Variants in SHISAL2A observed in about 807,000 individuals in gnomAD.
The protein encoded by SHISAL2A is shisa like 2A.
SHISAL2A carries 18 observed loss-of-function variants against 11.5 expected under a neutral mutation model. The ratio of observed to expected loss-of-function variants is 1.57; its 90% CI spans 1.08 to 2.33. SHISAL2A has a LOEUF of 2.33. Among genes scored for constraint, SHISAL2A ranks in the 30% most tolerant of loss-of-function variants. The pLI is 0.00. For synonymous variants in SHISAL2A, 94 were observed against 99.6 expected (o/e 0.94, Z 0.34); for missense variants, 261 against 250.9 (o/e 1.04, Z -0.27).
At chr1:52,660,247 CA>C (rs1442572249), downstream of SHISAL2A, among the ~76,000 whole-genome samples, 1 of 152,168 alleles carries the variant, frequency 6.6e-6, no homozygotes, top group Non-Finnish European at 1.5e-5. Flanking sequence ...ATTTCCCCAA[CA>C]GTTGGAGAAA....
At chr1:52,632,843 GA>G (rs1691155022), upstream of SHISAL2A, among the ~76,000 whole-genome samples, 7 of 152,320 alleles carry the variant, frequency 4.6e-5, no homozygotes, top group South Asian at 1.5e-3. Context: ...GGAACTCCGG[GA>G]AATGGCTTCT....
intron 2 of SHISAL2A, among the ~76,000 whole-genome samples, chr1:52,650,338 A>G (rs1416825440): frequency 6.6e-6 from 1 of 152,168 alleles, no homozygotes; most frequent in Non-Finnish European, 1.5e-5. Context: ...TGGAGAAAGG[A>G]GGGAAGGCAC....
chr1:52,642,665 C>T (rs970834326), intron 1 of SHISAL2A, among the ~76,000 whole-genome samples, 198 bp from the exon 2 acceptor site: 5 of 152,186 alleles, frequency 3.3e-5, no homozygotes, highest in Non-Finnish European at 5.9e-5. Context: ...CCTAAGTGAT[C>T]TGCCCGCCTC....
downstream of SHISAL2A, among the ~76,000 whole-genome samples, chr1:52,659,841 T>C (rs944107695): frequency 2.6e-5 from 4 of 152,182 alleles, no homozygotes; most frequent in Admixed American, 2.6e-4. Context: ...CAAGGGAGAC[T>C]GGGAGGTTTC....
At chr1:52,635,197 A>T (rs1398823183) in intron 1 of SHISAL2A, among the ~76,000 whole-genome samples, 2 of 152,216 alleles carry the variant, frequency 1.3e-5, no homozygotes, top group Admixed American at 1.3e-4. Context: ...TTATTTAGAG[A>T]TACAATGGTA....
intron 2 of SHISAL2A, among the ~76,000 whole-genome samples, chr1:52,644,236 T>C (rs1691442355): frequency 6.7e-6 from 1 of 149,632 alleles, no homozygotes; most frequent in Non-Finnish European, 1.5e-5. Context: ...GATACTTGAG[T>C]TAGTGTTGAG....
At chr1:52,654,669 AC>A (rs1184036278) in intron 2 of SHISAL2A, among the ~76,000 whole-genome samples, 8 of 152,218 alleles carry the variant, frequency 5.3e-5, no homozygotes, top group Non-Finnish European at 1.2e-4. Flanking sequence ...CTAAATGTAA[AC>A]CAAAAAACTC....
exon 6 of SHISAL2A, chr1:52,668,758 T>C (rs1233924288): frequency 6.6e-6 from 1 of 152,420 alleles, no homozygotes; most frequent in Non-Finnish European, 1.5e-5. Context: ...CAGGTTCTTC[T>C]GGTAATGAAG....
At chr1:52,660,443 C>G (rs1056014318), downstream of SHISAL2A, among the ~76,000 whole-genome samples, 2 of 152,166 alleles carry the variant, frequency 1.3e-5, no homozygotes, top group African/African-American at 4.8e-5. Flanking sequence ...AGCCCCTCCC[C>G]CAGGGCAGCC....
chr1:52,654,824 G>T (rs1474557606), intron 2 of SHISAL2A, among the ~76,000 whole-genome samples: 2 of 152,200 alleles, frequency 1.3e-5, no homozygotes, highest in Non-Finnish European at 2.9e-5. Context: ...TGCTGTGAAA[G>T]ATCCTGTTAA....
downstream of SHISAL2A, among the ~76,000 whole-genome samples, chr1:52,661,915 C>A (rs576583342): frequency 6.6e-6 from 1 of 152,154 alleles, no homozygotes; most frequent in Middle Eastern, 3.4e-3. Context: ...TGCCTGTAAT[C>A]CCAGCTACTC....
chr1:52,666,749 G>T (rs1276841057), intron 4 of SHISAL2A, among the ~76,000 whole-genome samples: 1 of 152,146 alleles, frequency 6.6e-6, no homozygotes, highest in Non-Finnish European at 1.5e-5. Flanking sequence ...AGCAAAAAGG[G>T]TCTTTACTGG....
chr1:52,668,277 ACTGAACAGT>A (rs1239059366), intron 5 of SHISAL2A, among the ~76,000 whole-genome samples: 2 of 152,196 alleles, frequency 1.3e-5, no homozygotes, highest in African/African-American at 4.8e-5. Context: ...GGCCCAAAGA[ACTGAACAGT>A]CTGTGATTAG....
Position 52,633,556 on chromosome 1 carries a change from C to G in SHISAL2A, c.63C>G (p.Cys21Trp), listed in dbSNP as rs770422991. 1 of 1,610,138 alleles carries G rather than the reference C, an allele frequency of 6.2e-7. No homozygotes were observed. The highest frequency in any genetic ancestry group is 2.2e-5 in the East Asian group (1 of 44,474). ...AEQEVVRGFS[C>W]PRPGGEAAAV... ...AGGAGGTGGTGCGCGGCTTCAGCTG[C>G]CCGCGGCCGGGGGGCGAGGCGGCCG... The change falls in exon 1 of 3, where the codon TGC becomes TGG. Residue 21 changes from cysteine to tryptophan, a missense_variant. Coordinates refer to ENST00000517870, the MANE Select transcript of SHISAL2A (RefSeq NM_001042693.3). This position sits in a 1 kb window ranked among gnomAD's most constrained non-coding sequence, Gnocchi z 6.4.
intron 4 of SHISAL2A, among the ~76,000 whole-genome samples, chr1:52,663,171 C>T (rs1012822001): frequency 6.6e-6 from 1 of 152,156 alleles, no homozygotes; most frequent in South Asian, 2.1e-4. Context: ...TGTCCTGTGG[C>T]TGCAGATGTC....
At chr1:52,647,349 G>T (rs1691523636) in intron 2 of SHISAL2A, among the ~76,000 whole-genome samples, 1 of 152,140 alleles carries the variant, frequency 6.6e-6, no homozygotes, top group Non-Finnish European at 1.5e-5. Context: ...TTCAGTATTT[G>T]TTAATTTAGT....
chr1:52,636,814 T>C (rs1691245786), intron 1 of SHISAL2A, among the ~76,000 whole-genome samples: 1 of 152,168 alleles, frequency 6.6e-6, no homozygotes, highest in Non-Finnish European at 1.5e-5. Flanking sequence ...CTCAGGCCTG[T>C]CTCATCTCAA....
Position 52,657,047 on chromosome 1 carries a change from A to G in SHISAL2A, c.*7A>G. 6.3e-7 allele frequency: 1 copy of G among 1,582,044 alleles called. No homozygotes were observed. The highest frequency in any genetic ancestry group is 8.6e-7 in the Non-Finnish European group (1 of 1,161,124). ...ATGTGGACCAGTCCCATAAACATTCAATAAATGTCTCCATACCATCCCCTT... is the reference window on the plus strand; with the variant it reads ...ATGTGGACCAGTCCCATAAACATTCGATAAATGTCTCCATACCATCCCCTT... On this transcript the variant is annotated 3_prime_UTR_variant, in exon 3 of 3. Transcript: ENST00000517870.
intron 1 of SHISAL2A, among the ~76,000 whole-genome samples, chr1:52,640,535 C>T (rs184447802): frequency 7.3e-5 from 11 of 151,120 alleles, no homozygotes; most frequent in South Asian, 6.3e-4. Context: ...AGGTCAAGGG[C>T]GGGGGAATCA....
Sources: allele counts gnomAD v4.1 joint callset (sites outside exome capture counted in the v4.1 genomes callset), GRCh38; gene constraint gnomAD v4.1.1; non-coding constraint Gnocchi (gnomAD v3.1); transcripts MANE v1.5; gene names NCBI Gene and HGNC (gene_info 2026-07-23, HGNC 2026-07-21).